The following SRPRA variants were observed in gnomAD, a reference collection of about 807,000 sequenced individuals.
SRPRA encodes the protein SRP receptor subunit alpha.
SRPRA carries 30 observed loss-of-function variants against 61.1 expected under a neutral mutation model. That is an observed-to-expected ratio of 0.49 (90% CI 0.37 to 0.67). SRPRA has a LOEUF of 0.67. Ranked by LOEUF, SRPRA falls within the 30% of genes least tolerant of loss-of-function variation. SRPRA has a pLI of 0.00. For synonymous variants in SRPRA, 324 were observed against 299.7 expected (o/e 1.08, Z -0.84); for missense variants, 759 against 828.4 (o/e 0.92, Z 1.03).
the SRPRA span, among the ~76,000 whole-genome samples, chr11:126,246,768 G>C: frequency 6.6e-6 from 1 of 152,064 alleles, no homozygotes. Context: ...CTAAGTTTCA[G>C]GGTAGAAGGA....
Position 126,267,850 on chromosome 11 carries a change from C to T in SRPRA, c.202-138G>A, listed in dbSNP as rs1950848060. On this transcript the variant is annotated intron_variant, in intron 2 of 13. Transcript: ENST00000332118. This position sits in a 1 kb window ranked among gnomAD's most constrained non-coding sequence, Gnocchi z 4.2. Reference sequence around the variant, plus strand: ...CTGTCCTGAGAGGCAGCCAAGCTCCCTGCCTGGGCCCAGTAGCTGCTGTTT... The same window carrying T: ...CTGTCCTGAGAGGCAGCCAAGCTCCTTGCCTGGGCCCAGTAGCTGCTGTTT... 7.1e-7 allele frequency: 1 copy of T among 1,401,578 alleles called. No individual in the cohort carries two copies. The highest frequency in any genetic ancestry group is 2.0e-5 in the Admixed American group (1 of 51,076). The allele number at this position is 1,401,578 out of a possible 1,614,324, so 86.8% of individuals were successfully genotyped here. A position where few individuals can be genotyped will look rare whatever the true frequency, so the allele number is the denominator to read the frequency against.
downstream of SRPRA, among the ~76,000 whole-genome samples, chr11:126,258,615 TG>T (rs1461787896): frequency 1.3e-5 from 2 of 152,184 alleles, no homozygotes; most frequent in Non-Finnish European, 2.9e-5. Context: ...TTGTTGGAAA[TG>T]AGTTTTTCTG....
the SRPRA span, chr11:126,241,193 T>C: frequency 9.6e-6 from 8 of 831,934 alleles, no homozygotes; most frequent in Non-Finnish European, 1.3e-5. Context: ...TTGACTCTTC[T>C]GCGCAATGTC....
Position 126,267,369 on chromosome 11 carries a change from C to A in SRPRA, c.366-34G>T. ...AAAGGAGAATGGTTTATCTTTCTACCCCATGCAGAAGGAAAAATAACGGTC... is the reference window on the plus strand; with the variant it reads ...AAAGGAGAATGGTTTATCTTTCTACACCATGCAGAAGGAAAAATAACGGTC... On this transcript the variant is annotated intron_variant, in intron 3 of 13. Transcript: ENST00000332118. This position sits in a 1 kb window ranked among gnomAD's most constrained non-coding sequence, Gnocchi z 4.2. The A allele has an allele frequency of 1.2e-6, 2 of 1,608,144 alleles. No individual in the cohort carries two copies. The highest frequency in any genetic ancestry group is 2.2e-5 in the South Asian group (2 of 89,976).
At chr11:126,241,598 G>A in the SRPRA span, among the ~76,000 whole-genome samples, 1 of 151,876 alleles carries the variant, frequency 6.6e-6, no homozygotes, top group Non-Finnish European at 1.5e-5. Context: ...CACCCAGGCT[G>A]AAGTTCAGTG....
chr11:126,238,567 A>T, the SRPRA span, among the ~76,000 whole-genome samples: 1 of 152,162 alleles, frequency 6.6e-6, no homozygotes, highest in Non-Finnish European at 1.5e-5. Context: ...GTTGGGGGAA[A>T]TCTTGTATTT....
At chr11:126,256,688 A>C in the SRPRA span, 1 of 1,614,232 alleles carries the variant, frequency 6.2e-7, no homozygotes, top group Non-Finnish European at 8.5e-7. The surrounding 1 kb of genome is among the most constrained non-coding windows in gnomAD (Gnocchi z 6.6). Context: ...TCTGACCTAG[A>C]ACATTTCATG....
chr11:126,267,593 T>G lies in SRPRA; in HGVS notation c.321A>C (p.Leu107Phe). 1 of 1,614,128 alleles carries G rather than the reference T, an allele frequency of 6.2e-7. No homozygotes were observed. Among genetic ancestry groups the G allele is most frequent in the Non-Finnish European group, 8.5e-7 (1 of 1,180,046 alleles). Residue 107 changes from leucine to phenylalanine, a missense_variant, in exon 3 of 14, where the codon TTA becomes TTC. Coordinates refer to ENST00000332118, the MANE Select transcript of SRPRA (RefSeq NM_003139.4). The surrounding 1 kb of genome is among the most constrained non-coding windows in gnomAD (Gnocchi z 4.2). ...CATTTTGGAAATCAAAAGTGCCATT[T>G]AATAAACTTAAAGCACTTTGCTGTT... The part of the protein sequence containing the change: ...EIQQQSALSL[L>F]NGTFDFQNDF...
rs151190812 is a variant in SRPRA at position 126,267,233 on chromosome 11, C to G, written c.468G>C (p.Arg156=). The change falls in exon 4 of 14, where the codon CGG becomes CGC. Residue 156 remains arginine, a synonymous_variant. Transcript: ENST00000332118. This position sits in a 1 kb window ranked among gnomAD's most constrained non-coding sequence, Gnocchi z 4.2. Reference sequence around the variant, plus strand: ...TTGCTTTTTCCTTGGGCTTTTCCCCCCGTGTCTCAATCATGGACCTCACAG... The same window carrying G: ...TTGCTTTTTCCTTGGGCTTTTCCCCGCGTGTCTCAATCATGGACCTCACAG... The part of the protein sequence containing the change: ...KKPVRSMIET[R]GEKPKEKAKN... 6.2e-7 allele frequency: 1 copy of G among 1,614,148 alleles called. No individual in the cohort carries two copies. The highest frequency in any genetic ancestry group is 1.3e-5 in the African/African-American group (1 of 75,022).
chr11:126,236,766 T>G, the SRPRA span, among the ~76,000 whole-genome samples: 1 of 151,830 alleles, frequency 6.6e-6, no homozygotes, highest in Non-Finnish European at 1.5e-5. Context: ...TTTATTTTTT[T>G]CCCCCCCATT....
chr11:126,263,815 T>C lies in SRPRA; in HGVS notation c.*101A>G, dbSNP rs1950752482. The C allele has an allele frequency of 6.6e-7, 1 of 1,522,646 alleles. No homozygotes were observed. 94.3% of individuals were successfully genotyped at this position (1,522,646 alleles called of 1,614,324 possible). On this transcript the variant is annotated 3_prime_UTR_variant, in exon 14 of 14. Transcript: ENST00000332118. Reference sequence around the variant, plus strand: ...AAGCCCCCTCACTCTGCCTTTGTACTACACTGAAGACAGGTTGCTCACATA... The same window carrying C: ...AAGCCCCCTCACTCTGCCTTTGTACCACACTGAAGACAGGTTGCTCACATA...
In SRPRA at chr11:126,264,596, C is replaced by T. The variant is rs1332990754; in HGVS notation, c.1526-57G>A. On this transcript the variant is annotated intron_variant, in intron 11 of 13. Transcript: ENST00000332118. The surrounding 1 kb of genome is among the most constrained non-coding windows in gnomAD (Gnocchi z 5.0). ...CTGGACTACCACTCATGCTCGTTCC[C>T]AGCTTCCTCTCAAAAAGTCCTAGTT... 8.2e-6 allele frequency: 13 copies of T among 1,585,184 alleles called. No homozygotes were observed. Among genetic ancestry groups the T allele is most frequent in the Non-Finnish European group, 4.3e-6 (5 of 1,164,946 alleles).
chr11:126,250,476 C>G, the SRPRA span: 3 of 1,510,606 alleles, frequency 2.0e-6, no homozygotes, highest in Non-Finnish European at 2.8e-6. The surrounding 1 kb of genome is among the most constrained non-coding windows in gnomAD (Gnocchi z 5.1). Context: ...GCACTTTGGA[C>G]TAATTTTCTT....
At chr11:126,242,253 TG>T in the SRPRA span, among the ~76,000 whole-genome samples, 1 of 152,074 alleles carries the variant, frequency 6.6e-6, no homozygotes, top group Non-Finnish European at 1.5e-5. Context: ...ATAGATAAAC[TG>T]GACTTCTCCA....
At chr11:126,258,730 T>C (rs1430585902), downstream of SRPRA, among the ~76,000 whole-genome samples, 2 of 152,252 alleles carry the variant, frequency 1.3e-5, no homozygotes, top group Non-Finnish European at 2.9e-5. Context: ...AAGACATACA[T>C]ATCCAAGTTC....
the SRPRA span, among the ~76,000 whole-genome samples, chr11:126,237,413 T>TA: frequency 1.4e-5 from 2 of 146,818 alleles, no homozygotes; most frequent in African/African-American, 2.5e-5. Flanking sequence ...TTTATTTATT[T>TA]TTTAAATAAA....
At position 126,266,268 on chromosome 11, in the gene SRPRA, G is replaced by A; in HGVS notation, c.851C>T (p.Thr284Ile). 33 of 1,614,176 alleles carry A rather than the reference G, an allele frequency of 2.0e-5. No homozygotes were observed. Among genetic ancestry groups the A allele is most frequent in the Non-Finnish European group, 2.8e-5 (33 of 1,180,020 alleles). Residue 284 changes from threonine (T) to isoleucine (I), a missense_variant, in exon 7 of 14, where the codon ACT becomes ATT. Coordinates refer to ENST00000332118, the MANE Select transcript of SRPRA (RefSeq NM_003139.4). ...ATCCTGAAGCTGCCCCCCAGACCCA[G>A]TCCCTCGAATCTGGAAGATACGGGG... ...LSEDINLIRGTGSGGQLQDLD... is the reference protein window; with the variant it reads ...LSEDINLIRGIGSGGQLQDLD...
In SRPRA at chr11:126,263,234, G is replaced by A. The variant is rs1006756348; in HGVS notation, c.*682C>T. On this transcript the variant is annotated 3_prime_UTR_variant, in exon 14 of 14. Coordinates refer to ENST00000332118, the MANE Select transcript of SRPRA (RefSeq NM_003139.4). ...TGCAGAGCTTACTTCTGGATTCTGGGAGTGGGAAGAGTTGGGAGGCCAAGA... is the reference window on the plus strand; with the variant it reads ...TGCAGAGCTTACTTCTGGATTCTGGAAGTGGGAAGAGTTGGGAGGCCAAGA... 2.0e-5 allele frequency: 3 copies of A among 152,344 alleles called. No individual in the cohort carries two copies. The highest frequency in any genetic ancestry group is 2.9e-5 in the Non-Finnish European group (2 of 68,054). 9.4% of individuals were successfully genotyped at this position (152,344 alleles called of 1,614,324 possible). A position where few individuals can be genotyped will look rare whatever the true frequency, so the allele number is the denominator to read the frequency against.
the SRPRA span, among the ~76,000 whole-genome samples, chr11:126,238,884 T>TA: frequency 4.6e-4 from 64 of 140,030 alleles, no homozygotes; most frequent in Middle Eastern, 7.5e-3. Flanking sequence ...ATATACCCGC[T>TA]AAAAAAAAAA....
Sources: gnomAD v4.1 joint callset for allele counts (sites outside exome capture counted in the v4.1 genomes callset) on GRCh38, gnomAD v4.1.1 for gene constraint, Gnocchi (gnomAD v3.1) non-coding constraint, MANE v1.5 for transcripts, NCBI Gene and HGNC (gene_info 2026-07-23, HGNC 2026-07-21) for gene names.